DBF4B: variants seen among roughly 807,000 people sequenced by gnomAD.
DBF4B encodes protein DBF4 homolog B.
Under a neutral mutation model 53.4 loss-of-function variants are expected in DBF4B, and 49 were observed. That is an observed-to-expected ratio of 0.92 (90% CI 0.73 to 1.16). The LOEUF (loss-of-function observed/expected upper bound fraction) is 1.16, where lower values mean the gene tolerates loss of function less well. Ranked by LOEUF, DBF4B falls within the 50% of genes most tolerant of loss-of-function variation. The pLI is 0.00. For synonymous variants in DBF4B, 257 were observed against 288.7 expected (o/e 0.89, Z 1.11); for missense variants, 692 against 775.0 (o/e 0.89, Z 1.27).
Position 44,732,458 on chromosome 17 carries a change from G to A in DBF4B, c.556+193G>A, listed in dbSNP as rs1474497272. On this transcript the variant is annotated intron_variant, in intron 6 of 13. Transcript: ENST00000315005. ...GCGGTGAGGACGCAGAGTGCAGGCT[G>A]TGGCCTCGGCATCCCGCAGGAGGTC... 12 of 613,988 alleles carry A rather than the reference G, an allele frequency of 2.0e-5. No individual in the cohort carries two copies. The East Asian group carries it at 3.2e-4, about 16-fold the overall frequency. The allele number at this position is 613,988 out of a possible 1,614,324, so 38.0% of individuals were successfully genotyped here.
chr17:44,752,019 G>C lies in DBF4B; in HGVS notation c.*766G>C. On this transcript the variant is annotated 3_prime_UTR_variant, in exon 14 of 14. Transcript: ENST00000315005. ...AGCCCTAACTACTTTACTCAGACTA[G>C]GTCCCCAGGCCTTTGTTCTTGCCTC... 1 of 1,525,990 alleles carries C rather than the reference G, an allele frequency of 6.6e-7. No homozygotes were observed. The allele number at this position is 1,525,990 out of a possible 1,614,324, so 94.5% of individuals were successfully genotyped here. A position where few individuals can be genotyped will look rare whatever the true frequency, so the allele number is the denominator to read the frequency against.
At chr17:44,746,053 C>CAAAAAAAA (rs61654485) in intron 10 of DBF4B, among the ~76,000 whole-genome samples, 14 of 110,662 alleles carry the variant, frequency 1.3e-4, no homozygotes, top group Non-Finnish European at 1.6e-4. Context: ...ACTAAAAATA[C>CAAAAAAAA]AAAAAAAAAA....
intron 2 of DBF4B, among the ~76,000 whole-genome samples, chr17:44,721,166 AG>A (rs1973803159): frequency 6.6e-6 from 1 of 151,932 alleles, no homozygotes; most frequent in African/African-American, 2.4e-5. Context: ...CACCTGGCCA[AG>A]ATTTTAAAAA....
rs763537723 is a variant in DBF4B, at chr17:44,749,786, C to T, written c.1190-809C>T. On this transcript the variant is annotated intron_variant, in intron 13 of 13. Coordinates refer to ENST00000315005, the MANE Select transcript of DBF4B (RefSeq NM_145663.3). This position sits in a 1 kb window ranked among gnomAD's most constrained non-coding sequence, Gnocchi z 4.4. ...AGGCCCTTGCCTCTCTGCAGAGCCG[C>T]GGGTTAGCTGTTGGTGTGCTCCACC... The T allele has an allele frequency of 1.4e-5, 15 of 1,069,686 alleles. No homozygotes were observed. The African/African-American group carries it at 2.0e-4, about 14-fold the overall frequency. 66.3% of individuals were successfully genotyped at this position (1,069,686 alleles called of 1,614,324 possible).
At chr17:44,712,661 G>A (rs367977644) in intron 2 of DBF4B, among the ~76,000 whole-genome samples, 1 of 151,608 alleles carries the variant, frequency 6.6e-6, no homozygotes, top group Admixed American at 6.6e-5. Flanking sequence ...GGATGGTCTC[G>A]ATTGCCTGAC....
At chr17:44,748,753 T>C (rs1489509302) in intron 13 of DBF4B, 1 of 1,342,650 alleles carries the variant, frequency 7.4e-7, no homozygotes, top group African/African-American at 1.5e-5. Context: ...GGGGGCCTCC[T>C]GGCCACAGGC....
Position 44,751,551 on chromosome 17 carries a change from T to A in DBF4B, c.*298T>A. 1 of 1,335,532 alleles carries A rather than the reference T, an allele frequency of 7.5e-7. No homozygotes were observed. The highest frequency in any genetic ancestry group is 9.6e-7 in the Non-Finnish European group (1 of 1,044,710). The allele number at this position is 1,335,532 out of a possible 1,614,324, so 82.7% of individuals were successfully genotyped here. A position where few individuals can be genotyped will look rare whatever the true frequency, so the allele number is the denominator to read the frequency against. On this transcript the variant is annotated 3_prime_UTR_variant, in exon 14 of 14. Transcript: ENST00000315005. The stretch of plus-strand genomic sequence containing the variant: ...TCGCCAACCACTCTTGTTGGTTTCC[T>A]TCTCAGACTTGCCACCTTTCCCCTC...
chr17:44,748,272 G>A, intron 12 of DBF4B, 69 bp from the exon 13 acceptor site: 6 of 1,519,260 alleles, frequency 3.9e-6, no homozygotes, highest in Non-Finnish European at 5.3e-6. Context: ...CTCTCCCTGT[G>A]CCCTCAGCCC....
intron 2 of DBF4B, among the ~76,000 whole-genome samples, chr17:44,717,186 C>T (rs755429214): frequency 7.9e-5 from 12 of 152,094 alleles, no homozygotes; most frequent in Non-Finnish European, 5.9e-5. Flanking sequence ...CTTAAATTCT[C>T]TGATGTCCAT....
chr17:44,750,926 C>G lies in DBF4B; in HGVS notation c.1521C>G (p.Arg507=). 12 of 1,614,218 alleles carry G rather than the reference C, an allele frequency of 7.4e-6. No individual in the cohort carries two copies. Among genetic ancestry groups the G allele is most frequent in the Non-Finnish European group, 1.0e-5 (12 of 1,180,042 alleles). ...PEARPWLMSA[R]CWVRPFPFVT... Reference sequence around the variant, plus strand: ...CCAGACCGTGGCTTATGTCTGCACGCTGCTGGGTTCGTCCCTTTCCTTTTG... The same window carrying G: ...CCAGACCGTGGCTTATGTCTGCACGGTGCTGGGTTCGTCCCTTTCCTTTTG... The change falls in exon 14 of 14, where the codon CGC becomes CGG. Residue 507 remains arginine (R), a synonymous_variant. Coordinates refer to ENST00000315005, the MANE Select transcript of DBF4B (RefSeq NM_145663.3).
Position 44,730,977 on chromosome 17 carries a change from A to G in DBF4B, c.430A>G (p.Arg144Gly). The change falls in exon 5 of 14, where the codon AGA becomes GGA. Residue 144 changes from arginine to glycine, a missense_variant. By Grantham distance (125) the Arg-to-Gly change is moderately radical. This residue lies in a region of DBF4B where 597 missense variants were observed against 665.8 expected (regional missense o/e 0.90). Transcript: ENST00000315005. ...CTGTCCCTGTCAGGTGCCTCTAAGC[A>G]GAGGGAAGGAGCTGCTGCAGAAGGC... ...RKPVDSVPLSRGKELLQKAIR... is the reference protein window; with the variant it reads ...RKPVDSVPLSGGKELLQKAIR... 3.1e-6 allele frequency: 5 copies of G among 1,613,986 alleles called. No individual in the cohort carries two copies. The highest frequency in any genetic ancestry group is 4.2e-6 in the Non-Finnish European group (5 of 1,179,918).
intron 7 of DBF4B, among the ~76,000 whole-genome samples, chr17:44,734,968 G>A (rs918629617): frequency 6.6e-6 from 1 of 152,192 alleles, no homozygotes; most frequent in Non-Finnish European, 1.5e-5. Context: ...GCCGGGCGTG[G>A]TGGCACATGC....
intron 3 of DBF4B, among the ~76,000 whole-genome samples, chr17:44,726,249 A>G (rs937260528): frequency 6.6e-6 from 1 of 151,920 alleles, no homozygotes; most frequent in Non-Finnish European, 1.5e-5. Context: ...TCAGCCTCCC[A>G]AAGTGCTGGG....
chr17:44,721,479 A>G (rs895568232), intron 2 of DBF4B, among the ~76,000 whole-genome samples: 3 of 152,064 alleles, frequency 2.0e-5, no homozygotes, highest in African/African-American at 7.2e-5. Flanking sequence ...TCGGCTTCCC[A>G]GAGTGCTGGG....
At chr17:44,740,014 G>C (rs1197019628) in intron 9 of DBF4B, among the ~76,000 whole-genome samples, 1 of 152,098 alleles carries the variant, frequency 6.6e-6, no homozygotes, top group African/African-American at 2.4e-5. Flanking sequence ...CACCTGCCTT[G>C]GCCTCCCAAA....
At chr17:44,722,130 G>A (rs935734769) in intron 2 of DBF4B, among the ~76,000 whole-genome samples, 10 of 144,650 alleles carry the variant, frequency 6.9e-5, no homozygotes, top group African/African-American at 2.0e-4. Context: ...GCGAAACTCC[G>A]TTTCAAAAGG....
intron 2 of DBF4B, among the ~76,000 whole-genome samples, chr17:44,721,898 G>C (rs1161307039): frequency 6.6e-6 from 1 of 151,826 alleles, no homozygotes; most frequent in Non-Finnish European, 1.5e-5. Flanking sequence ...ACTTTGGGAG[G>C]CCGAGGCGAG....
intron 2 of DBF4B, among the ~76,000 whole-genome samples, chr17:44,712,919 AT>A (rs1201278466): frequency 2.0e-5 from 3 of 149,812 alleles, no homozygotes; most frequent in Non-Finnish European, 4.4e-5. Flanking sequence ...GACAATAAAG[AT>A]TTTTTCTGTC....
In DBF4B at chr17:44,749,324, T is replaced by C. The variant is rs1427810895; in HGVS notation, c.1189+859T>C. 1 of 1,289,822 alleles carries C rather than the reference T, an allele frequency of 7.8e-7. No homozygotes were observed. Among genetic ancestry groups the C allele is most frequent in the African/African-American group, 1.5e-5 (1 of 65,804 alleles). The allele number at this position is 1,289,822 out of a possible 1,614,324, so 79.9% of individuals were successfully genotyped here. On this transcript the variant is annotated intron_variant, in intron 13 of 13. Transcript: ENST00000315005. This position sits in a 1 kb window ranked among gnomAD's most constrained non-coding sequence, Gnocchi z 4.4. Reference sequence around the variant, plus strand: ...GAGCTGCTCCTACGAGTCCCCAAGGTGCTTGGCTCTTCACAGGGCCAGGCA... The same window carrying C: ...GAGCTGCTCCTACGAGTCCCCAAGGCGCTTGGCTCTTCACAGGGCCAGGCA...
Sources: allele counts gnomAD v4.1 joint callset (sites outside exome capture counted in the v4.1 genomes callset), GRCh38; gene constraint gnomAD v4.1.1; regional missense constraint gnomAD v4.1.1; non-coding constraint Gnocchi (gnomAD v3.1); transcripts MANE v1.5; gene names NCBI Gene and HGNC (gene_info 2026-07-23, HGNC 2026-07-21).